The following PLD1 variants were observed in gnomAD, a reference collection of about 807,000 sequenced individuals.
PLD1 encodes the protein choline phosphatase 1.
In PLD1, 112 loss-of-function variants were observed where a neutral mutation model predicts 137.1. That is an observed-to-expected ratio of 0.82 (90% confidence interval 0.70 to 0.96). The LOEUF (loss-of-function observed/expected upper bound fraction) is 0.96. Among genes scored for constraint, PLD1 ranks in the 40% least tolerant of loss-of-function variants. The probability of loss-of-function intolerance (pLI) is 0.00; values close to 1 mark genes in which losing one functional copy is unlikely to be tolerated. For synonymous variants in PLD1, 431 were observed against 454.7 expected (o/e 0.95, Z 0.66); for missense variants, 1,321 against 1,342.0 (o/e 0.98, Z 0.24).
chr3:171,686,592 C>T (rs1714580297), intron 16 of PLD1, 93 bp downstream of exon 16: 1 of 698,458 alleles, frequency 1.4e-6, no homozygotes, highest in African/African-American at 1.8e-5. Context: ...AAACAGAAAG[C>T]CAATCTGGAA....
intron 1 of PLD1, among the ~76,000 whole-genome samples, chr3:171,765,907 G>A (rs747369893): frequency 2.2e-4 from 33 of 152,088 alleles, no homozygotes; most frequent in African/African-American, 4.1e-4. Context: ...AACTTCCTCC[G>A]TATCCTTTAT....
chr3:171,756,554 G>A (rs768079098), intron 1 of PLD1, among the ~76,000 whole-genome samples: 2 of 152,152 alleles, frequency 1.3e-5, no homozygotes, highest in Non-Finnish European at 2.9e-5. Flanking sequence ...GGTTCGGGGG[G>A]AAGAAAGGAT....
At chr3:171,713,153 A>G (rs950544193) in intron 9 of PLD1, among the ~76,000 whole-genome samples, 7 of 152,254 alleles carry the variant, frequency 4.6e-5, no homozygotes, top group African/African-American at 1.7e-4. Context: ...AATGTACATG[A>G]GTGTCCTTTC....
rs1275638267 is a variant in PLD1, at chr3:171,676,751, C to T, written c.2079G>A (p.Val693=). ...SAVHGKAARD[V]ARHFIQRWNF... ...TCCAGCGCTGGATGAAGTGACGTGC[C>T]ACATCACGAGCCGCCTTCCCGTGGA... Residue 693 remains valine (V), a synonymous_variant, in exon 18 of 27, where the codon GTG becomes GTA. Coordinates refer to ENST00000351298, the MANE Select transcript of PLD1 (RefSeq NM_002662.5). 1 of 1,614,094 alleles carries T rather than the reference C, an allele frequency of 6.2e-7. No homozygotes were observed. Among genetic ancestry groups the T allele is most frequent in the Admixed American group, 1.7e-5 (1 of 60,012 alleles).
intron 15 of PLD1, 43 bp from the exon 16 acceptor site, chr3:171,686,841 A>G: frequency 1.0e-6 from 1 of 984,748 alleles, no homozygotes; most frequent in Non-Finnish European, 1.6e-6. Context: ...TACAAATATC[A>G]AATTTTCTAA....
At chr3:171,765,006 G>GAGAAAA (rs1458654685) in intron 1 of PLD1, 2 of 140,708 alleles carry the variant, frequency 1.4e-5, no homozygotes, top group Admixed American at 7.1e-5. Flanking sequence ...AAGAAAGAAA[G>GAGAAAA]AGAAAAAGAA....
At chr3:171,764,876 AAAGAAAGAAAGAAAGAAAGGAAGGAAGG>A (rs1560288386) in intron 1 of PLD1, among the ~76,000 whole-genome samples, 985 of 25,400 alleles carry the variant, frequency 0.039, 102 homozygotes, top group African/African-American at 0.05. Context: ...AGAAAGAAAG[AAAGAAAGAAAGAAAGAAAGGAAGGAAGG>A]AAGGAAGGAA....
At chr3:171,808,182 T>C (rs954820048) in intron 1 of PLD1, among the ~76,000 whole-genome samples, 2 of 152,092 alleles carry the variant, frequency 1.3e-5, no homozygotes, top group Middle Eastern at 3.4e-3. Context: ...ATGCTGTATG[T>C]CCATGTAACA....
intron 21 of PLD1, among the ~76,000 whole-genome samples, chr3:171,658,780 G>A (rs189037628): frequency 1.3e-5 from 2 of 151,916 alleles, no homozygotes; most frequent in African/African-American, 4.8e-5. Flanking sequence ...TAAGTGGCTG[G>A]ATTATACAGT....
intron 18 of PLD1, among the ~76,000 whole-genome samples, chr3:171,676,082 T>C (rs1320075051): frequency 1.3e-5 from 2 of 152,118 alleles, no homozygotes; most frequent in Non-Finnish European, 2.9e-5. Flanking sequence ...CCTCAGGTGA[T>C]CCACCAGCCT....
At chr3:171,623,113 T>C (rs1733772112) in intron 23 of PLD1, among the ~76,000 whole-genome samples, 1 of 152,102 alleles carries the variant, frequency 6.6e-6, no homozygotes, top group African/African-American at 2.4e-5. Flanking sequence ...TCTTCCCAGG[T>C]TAATTTATAA....
intron 1 of PLD1, among the ~76,000 whole-genome samples, chr3:171,760,232 C>T (rs959048091): frequency 6.6e-6 from 1 of 152,014 alleles, no homozygotes; most frequent in Non-Finnish European, 1.5e-5. Flanking sequence ...GAGTTTTATC[C>T]TTTTTGTGAT....
intron 19 of PLD1, chr3:171,666,132 T>C (rs1295375322): frequency 1.3e-5 from 2 of 152,274 alleles, no homozygotes; most frequent in African/African-American, 4.8e-5. Flanking sequence ...AAATGCTTGA[T>C]GGCCTAGGAA....
chr3:171,622,814 A>G (rs1733752188), intron 23 of PLD1, among the ~76,000 whole-genome samples: 1 of 151,058 alleles, frequency 6.6e-6, no homozygotes, highest in African/African-American at 2.4e-5. Flanking sequence ...TAATAAAATT[A>G]TATCAAATAA....
intron 23 of PLD1, among the ~76,000 whole-genome samples, chr3:171,642,000 T>C (rs1204215207): frequency 6.6e-6 from 1 of 152,140 alleles, no homozygotes; most frequent in African/African-American, 2.4e-5. Context: ...GCTTAGTTTG[T>C]AATGATACAC....
chr3:171,752,592 GTTC>G (rs1468050787), intron 1 of PLD1, among the ~76,000 whole-genome samples: 3 of 152,156 alleles, frequency 2.0e-5, no homozygotes, highest in East Asian at 1.9e-4. Context: ...AGACCTCCTA[GTTC>G]TTCTTACCCC....
At chr3:171,780,780 G>A (rs1424766167) in intron 1 of PLD1, among the ~76,000 whole-genome samples, 1 of 152,186 alleles carries the variant, frequency 6.6e-6, no homozygotes, top group African/African-American at 2.4e-5. Context: ...GGGCTCAAAT[G>A]AGAATGTGAC....
chr3:171,727,553 C>A (rs1256477424), intron 6 of PLD1, among the ~76,000 whole-genome samples: 6 of 152,242 alleles, frequency 3.9e-5, no homozygotes, highest in East Asian at 1.9e-4. Context: ...GATAGACCAA[C>A]AAAGACTAAA....
intron 19 of PLD1, among the ~76,000 whole-genome samples, chr3:171,667,914 A>G (rs1445952029): frequency 1.3e-5 from 2 of 152,144 alleles, no homozygotes; most frequent in Non-Finnish European, 2.9e-5. Context: ...ACCATGCTGA[A>G]CTAATTTTTA....
Sources: allele counts gnomAD v4.1 joint callset (sites outside exome capture counted in the v4.1 genomes callset), GRCh38; gene constraint gnomAD v4.1.1; transcripts MANE v1.5; gene names NCBI Gene and HGNC (gene_info 2026-07-23, HGNC 2026-07-21).